Variants in EIF3H observed in about 807,000 individuals in gnomAD.
EIF3H encodes eukaryotic translation initiation factor 3 subunit H.
EIF3H carries 26 observed loss-of-function variants against 44.2 expected under a neutral mutation model. The ratio of observed to expected loss-of-function variants is 0.59; its 90% CI spans 0.43 to 0.82. The LOEUF is 0.82. EIF3H is among the 40% of genes least tolerant of loss of function. EIF3H has a pLI of 0.00. For synonymous variants in EIF3H, 166 were observed against 151.9 expected, an observed-to-expected ratio of 1.09 and a Z score of -0.68; for missense variants, 359 against 432.8, an observed-to-expected ratio of 0.83 and a Z score of 1.51.
rs73322493 is a variant in EIF3H at position 116,664,332 on chromosome 8, A to C, written c.290-5352T>G. 3.9e-3 allele frequency among the ~76,000 whole-genome samples: 601 copies of C among 152,322 alleles called. 4 individuals are homozygous for C. Among genetic ancestry groups the C allele is most frequent in the African/African-American group, 0.013 (538 of 41,562 alleles). On this transcript the variant is annotated intron_variant, in intron 2 of 7. Coordinates refer to ENST00000521861, the MANE Select transcript of EIF3H (RefSeq NM_003756.3). ...TCTCTTGTTTTACTGTCACATATGA[A>C]AACACTGAAAATAATATGCTGTCTT...
At chr8:116,676,821 T>G (rs2130828947) in intron 2 of EIF3H, among the ~76,000 whole-genome samples, 1 of 152,330 alleles carries the variant, frequency 6.6e-6, no homozygotes, top group South Asian at 2.1e-4. Flanking sequence ...ATTTCTGCTT[T>G]CATAAGATTA....
chr8:116,646,400 A>T (rs999780333), intron 7 of EIF3H, 71 bp downstream of exon 7: 2 of 1,605,282 alleles, frequency 1.2e-6, no homozygotes, highest in East Asian at 2.2e-5. Flanking sequence ...TTCTGTTTGT[A>T]AATTTCTCAC....
chr8:116,655,295 G>A (rs1245479511), intron 5 of EIF3H, among the ~76,000 whole-genome samples: 5 of 150,564 alleles, frequency 3.3e-5, no homozygotes. Context: ...AGATAGCTAA[G>A]GCAGTCACGG....
chr8:116,749,588 G>A (rs145495500), intron 1 of EIF3H, among the ~76,000 whole-genome samples: 5 of 152,240 alleles, frequency 3.3e-5, no homozygotes, highest in African/African-American at 1.2e-4. Context: ...ATCTTGTCTA[G>A]GAACAATGAG....
chr8:116,756,084 A>T (rs1815445736), upstream of EIF3H: 1 of 1,317,628 alleles, frequency 7.6e-7, no homozygotes, highest in Admixed American at 2.0e-5. Flanking sequence ...TCATAATAGC[A>T]TTACAGTTCG....
At chr8:116,714,993 G>A (rs1419643321) in intron 2 of EIF3H, among the ~76,000 whole-genome samples, 3 of 152,060 alleles carry the variant, frequency 2.0e-5, no homozygotes, top group African/African-American at 4.8e-5. Context: ...GGTGAGATTT[G>A]AGGAAGCAAG....
intron 2 of EIF3H, among the ~76,000 whole-genome samples, chr8:116,701,735 A>C (rs1814378905): frequency 6.6e-6 from 1 of 152,220 alleles, no homozygotes. Context: ...AACAGCTGAC[A>C]AGCACTCTTT....
chr8:116,699,975 T>C (rs1349829675), intron 2 of EIF3H, among the ~76,000 whole-genome samples: 2 of 152,148 alleles, frequency 1.3e-5, no homozygotes, highest in Non-Finnish European at 2.9e-5. Context: ...ATGGCTAATT[T>C]TGCATTTTTT....
In EIF3H at chr8:116,642,649, T is replaced by G. The variant is rs1444754141; in HGVS notation, c.*2357A>C. ...GTTCTTGGGTAAGTGAATGATTTAT[T>G]AGACCTGGTGCTCAATTTACGAGCT... On this transcript the variant is annotated 3_prime_UTR_variant, in exon 8 of 8. Coordinates refer to ENST00000521861, the MANE Select transcript of EIF3H (RefSeq NM_003756.3). 1 of 152,232 alleles carries G rather than the reference T, an allele frequency of 6.6e-6. No homozygotes were observed. The highest frequency in any genetic ancestry group is 1.9e-4 in the East Asian group (1 of 5,206). The allele number at this position is 152,232 out of a possible 1,614,324, so 9.4% of individuals were successfully genotyped here.
intron 1 of EIF3H, among the ~76,000 whole-genome samples, chr8:116,752,732 G>GAAAGAAAGA (rs753108369): frequency 1.8e-5 from 2 of 108,998 alleles, no homozygotes; most frequent in Non-Finnish European, 1.8e-5. Flanking sequence ...AAGAAAGAAA[G>GAAAGAAAGA]AAGAGAAAGA....
At chr8:116,690,379 G>GA (rs36074596) in intron 2 of EIF3H, among the ~76,000 whole-genome samples, 24 of 149,044 alleles carry the variant, frequency 1.6e-4, no homozygotes, top group South Asian at 6.3e-4. Flanking sequence ...AAATAAACTA[G>GA]AAAAAAAAAA....
chr8:116,712,004 AG>A (rs1362625331), intron 2 of EIF3H, among the ~76,000 whole-genome samples: 7 of 54,900 alleles, frequency 1.3e-4, no homozygotes, highest in Non-Finnish European at 6.2e-4. Flanking sequence ...CAACAAAAGA[AG>A]AAAGAAAGAA....
chr8:116,656,810 A>C (rs1813498257), intron 4 of EIF3H, among the ~76,000 whole-genome samples: 1 of 152,122 alleles, frequency 6.6e-6, no homozygotes, highest in Non-Finnish European at 1.5e-5. Context: ...TTCTTTACCA[A>C]ATTCTTAAAA....
At chr8:116,726,570 T>C (rs1350891875) in intron 1 of EIF3H, among the ~76,000 whole-genome samples, 1 of 152,206 alleles carries the variant, frequency 6.6e-6, no homozygotes, top group Admixed American at 6.5e-5. Flanking sequence ...GACACAGAGA[T>C]AAAGGTCTCA....
chr8:116,721,543 C>G (rs1448104322), intron 2 of EIF3H, among the ~76,000 whole-genome samples: 1 of 152,226 alleles, frequency 6.6e-6, no homozygotes, highest in Non-Finnish European at 1.5e-5. Context: ...GATCCACCAA[C>G]AGCTTGCACC....
intron 5 of EIF3H, among the ~76,000 whole-genome samples, chr8:116,650,670 C>G (rs1320090254): frequency 6.6e-6 from 1 of 152,124 alleles, no homozygotes; most frequent in East Asian, 1.9e-4. Flanking sequence ...TTGTAGGACT[C>G]TTTTCTTTTT....
At position 116,749,094 on chromosome 8, in the gene EIF3H, AAT is replaced by A. The variant is rs370798524; in HGVS notation, c.132+6570_132+6571del. Among the ~76,000 whole-genome samples the A allele has an allele frequency of 4.8e-4, 73 of 152,308 alleles. No homozygotes were observed. The East Asian group carries it at 0.013, about 27-fold the overall frequency. On this transcript the variant is annotated intron_variant, in intron 1 of 7. Transcript: ENST00000521861. ...ACAAAACCAGGGGAATAAGGTATCTAATAAGATAACTTAAAGGGGAAAACAAA... is the reference window on the plus strand; with the variant it reads ...ACAAAACCAGGGGAATAAGGTATCTAAAGATAACTTAAAGGGGAAAACAAA...
At chr8:116,724,604 A>ACTCCTTC (rs1814802342) in intron 2 of EIF3H, among the ~76,000 whole-genome samples, 1 of 152,182 alleles carries the variant, frequency 6.6e-6, no homozygotes, top group Non-Finnish European at 1.5e-5. Flanking sequence ...AGGAAAAAAA[A>ACTCCTTC]AGCCTCCAAT....
At chr8:116,739,181 CCTTAAGGACATGTTCCTGCTT>C (rs1474315099) in intron 1 of EIF3H, among the ~76,000 whole-genome samples, 4 of 152,362 alleles carry the variant, frequency 2.6e-5, no homozygotes, top group African/African-American at 9.6e-5. Context: ...GCGATCCGTG[CCTTAAGGACATGTTCCTGCTT>C]CTTAAGGACA....
Sources: gnomAD v4.1 joint callset for allele counts (sites outside exome capture counted in the v4.1 genomes callset) on GRCh38, gnomAD v4.1.1 for gene constraint, MANE v1.5 for transcripts, NCBI Gene and HGNC (gene_info 2026-07-23, HGNC 2026-07-21) for gene names.